NBEA: variants seen among roughly 807,000 people sequenced by gnomAD.
NBEA encodes neurobeachin.
In NBEA, 44 loss-of-function variants were observed where a neutral mutation model predicts 343.4. The ratio of observed to expected loss-of-function variants is 0.13; its 90% confidence interval spans 0.10 to 0.16. The LOEUF (loss-of-function observed/expected upper bound fraction) is 0.16, where lower values mean the gene tolerates loss of function less well. Ranked by LOEUF, NBEA falls within the 10% of genes least tolerant of loss-of-function variation. The pLI is 1.00. For missense variants in NBEA, 2,555 were observed against 3,631.3 expected, an observed-to-expected ratio of 0.70 and a Z score of 7.62; for synonymous variants, 1,175 against 1,238.7, an observed-to-expected ratio of 0.95 and a Z score of 1.08.
At chr13:35,068,950 A>G (rs1182915355) in intron 8 of NBEA, among the ~76,000 whole-genome samples, 1 of 152,106 alleles carries the variant, frequency 6.6e-6, no homozygotes, top group Non-Finnish European at 1.5e-5. Flanking sequence ...GCATATCTGT[A>G]TGCCTCCCGT....
intron 6 of NBEA, among the ~76,000 whole-genome samples, chr13:35,052,522 GTCTT>G (rs1273778565): frequency 1.3e-5 from 2 of 151,708 alleles, no homozygotes; most frequent in African/African-American, 2.4e-5. Flanking sequence ...TACTGGTTGT[GTCTT>G]TCTTTTATAA....
chr13:35,569,875 GT>G (rs1465876042), intron 45 of NBEA, among the ~76,000 whole-genome samples: 4 of 152,172 alleles, frequency 2.6e-5, no homozygotes, highest in Non-Finnish European at 2.9e-5. Flanking sequence ...ATTAGTATGG[GT>G]TATAGAAGGC....
chr13:35,266,473 A>G (rs1202224321), intron 34 of NBEA, among the ~76,000 whole-genome samples: 1 of 151,876 alleles, frequency 6.6e-6, no homozygotes, highest in African/African-American at 2.4e-5. Flanking sequence ...TAAAGAAAAT[A>G]CGCTATATAT....
intron 7 of NBEA, 42 bp downstream of exon 7, chr13:35,056,171 A>T (rs1417827394): frequency 6.6e-7 from 1 of 1,504,570 alleles, no homozygotes; most frequent in Non-Finnish European, 8.9e-7. Flanking sequence ...TTTGTTTGGG[A>T]GTATGATCTA....
chr13:35,526,999 C>T (rs181589392), intron 41 of NBEA, among the ~76,000 whole-genome samples: 1 of 152,170 alleles, frequency 6.6e-6, no homozygotes, highest in East Asian at 2.0e-4. Flanking sequence ...GGTCTGGGCT[C>T]CCTGAAGGGC....
At chr13:35,151,367 A>G (rs1318776597) in intron 18 of NBEA, among the ~76,000 whole-genome samples, 2 of 151,990 alleles carry the variant, frequency 1.3e-5, no homozygotes, top group African/African-American at 4.8e-5. Flanking sequence ...AACATGGAGA[A>G]ACCCCATCAC....
intron 40 of NBEA, among the ~76,000 whole-genome samples, chr13:35,469,568 A>G (rs1169279587): frequency 6.6e-6 from 1 of 152,226 alleles, no homozygotes; most frequent in Admixed American, 6.5e-5. Context: ...ATATGCATCA[A>G]TGCAATAGGA....
At chr13:34,983,795 T>C (rs1407925392) in intron 1 of NBEA, among the ~76,000 whole-genome samples, 1 of 152,220 alleles carries the variant, frequency 6.6e-6, no homozygotes, top group Non-Finnish European at 1.5e-5. Context: ...CTTTTTCATG[T>C]GTCTGTTGGC....
chr13:34,943,236 G>C, intron 1 of NBEA, 122 bp downstream of exon 1: 1 of 1,329,244 alleles, frequency 7.5e-7, no homozygotes, highest in Admixed American at 1.9e-5. Flanking sequence ...GGAGCGCAGA[G>C]CGTTCAGCCG....
rs1428294187 is a variant in NBEA at position 35,403,315 on chromosome 13, G to GT, written c.6180-28954_6180-28953insT. ...TGCAAACACTATTATAAGTACTATA[G>GT]GGTTGCAAAGCTGCATGAGGTGAAT... is the stretch of plus-strand genomic sequence containing the variant. On this transcript the variant is annotated intron_variant, in intron 38 of 58. Coordinates refer to ENST00000379939, the MANE Select transcript of NBEA (RefSeq NM_001385012.1). Among the ~76,000 whole-genome samples, 5 of 151,954 alleles carry GT rather than the reference G, an allele frequency of 3.3e-5. No individual in the cohort carries two copies. In the East Asian group the frequency reaches 9.7e-4, roughly 29 times the overall value.
chr13:35,255,904 G>A (rs2032534031), intron 34 of NBEA, among the ~76,000 whole-genome samples: 2 of 152,246 alleles, frequency 1.3e-5, no homozygotes, highest in African/African-American at 4.8e-5. Context: ...TGAGCAAGGT[G>A]GAGAGGAGCT....
chr13:35,595,547 T>C (rs566789766), intron 47 of NBEA, among the ~76,000 whole-genome samples: 10 of 152,220 alleles, frequency 6.6e-5, no homozygotes, highest in Admixed American at 5.2e-4. Context: ...AATTTATATA[T>C]GTGATCTCTG....
At chr13:35,270,338 A>G (rs907605460) in intron 34 of NBEA, among the ~76,000 whole-genome samples, 1 of 152,234 alleles carries the variant, frequency 6.6e-6, no homozygotes, top group Non-Finnish European at 1.5e-5. Context: ...ATGATTTGTC[A>G]AGAAGAATGG....
At chr13:35,619,057 G>A (rs904015676) in intron 48 of NBEA, among the ~76,000 whole-genome samples, 4 of 143,416 alleles carry the variant, frequency 2.8e-5, no homozygotes, top group South Asian at 2.3e-4. Context: ...TTTAAGCTGG[G>A]TTTTTTTTTT....
At chr13:35,411,841 G>C (rs2043606336) in intron 38 of NBEA, among the ~76,000 whole-genome samples, 2 of 151,856 alleles carry the variant, frequency 1.3e-5, no homozygotes, top group Admixed American at 1.3e-4. Flanking sequence ...GAAAAGAAGG[G>C]GGACAATACA....
chr13:35,449,652 C>G (rs1323552725), intron 39 of NBEA, among the ~76,000 whole-genome samples: 1 of 152,170 alleles, frequency 6.6e-6, no homozygotes, highest in Non-Finnish European at 1.5e-5. Context: ...CAGAAGATTA[C>G]TCTTGGGCTG....
At chr13:35,420,171 T>C (rs1309690130) in intron 38 of NBEA, among the ~76,000 whole-genome samples, 1 of 152,028 alleles carries the variant, frequency 6.6e-6, no homozygotes, top group African/African-American at 2.4e-5. Context: ...TGAGTAAGAG[T>C]GGTAACAGCA....
Position 34,942,567 on chromosome 13 carries a change from A to C in NBEA, c.-254A>C. 12 of 207,078 alleles carry C rather than the reference A, an allele frequency of 5.8e-5. No homozygotes were observed. The highest frequency in any genetic ancestry group is 9.5e-5 in the Non-Finnish European group (10 of 105,256). 12.8% of individuals were successfully genotyped at this position (207,078 alleles called of 1,614,324 possible). ...GCAGCGGCACACCTGCTGGGCGGGC[A>C]CAGCCGCTTGCCCGGCAGCGGTTAG... On this transcript the variant is annotated 5_prime_UTR_variant, in exon 1 of 59. Coordinates refer to ENST00000379939, the MANE Select transcript of NBEA (RefSeq NM_001385012.1).
intron 34 of NBEA, chr13:35,251,691 T>A: frequency 2.1e-6 from 1 of 487,778 alleles, no homozygotes; most frequent in Non-Finnish European, 3.0e-6. Flanking sequence ...ATGATATGGC[T>A]CCAGAGCAAC....
Sources: gnomAD v4.1 joint callset for allele counts (sites outside exome capture counted in the v4.1 genomes callset) on GRCh38, gnomAD v4.1.1 for gene constraint, MANE v1.5 for transcripts, NCBI Gene and HGNC (gene_info 2026-07-23, HGNC 2026-07-21) for gene names.